The following HIVEP2 variants were observed in gnomAD, a reference collection of about 807,000 sequenced individuals.
HIVEP2 encodes transcription factor HIVEP2.
HIVEP2 carries 14 observed loss-of-function variants against 180.7 expected under a neutral mutation model. The observed-to-expected ratio is 0.08, with a 90% confidence interval of 0.05 to 0.12. The LOEUF (loss-of-function observed/expected upper bound fraction) is 0.12. Ranked by LOEUF, HIVEP2 falls within the 10% of genes least tolerant of loss-of-function variation. The pLI is 1.00. For missense variants in HIVEP2, 2,579 were observed against 3,008.5 expected, an observed-to-expected ratio of 0.86 and a Z score of 3.34; for synonymous variants, 1,184 against 1,136.4, an observed-to-expected ratio of 1.04 and a Z score of -0.84.
At chr6:142,905,871 C>A (rs529176378) in intron 1 of HIVEP2, among the ~76,000 whole-genome samples, 1 of 152,220 alleles carries the variant, frequency 6.6e-6, no homozygotes, top group Non-Finnish European at 1.5e-5. Flanking sequence ...GTGGCTCACG[C>A]CTATAATCCT....
rs1182285318 is a variant in HIVEP2, at chr6:142,774,350, A to G, written c.389T>C (p.Leu130Ser). ...EGPPWLFPGP[L>S]PSVASEDLFP... Reference sequence around the variant, plus strand: ...TAAGTCCTCAGAGGCAACGGATGGCAAAGGGCCAGGGAAAAGCCACGGAGG... The same window carrying G: ...TAAGTCCTCAGAGGCAACGGATGGCGAAGGGCCAGGGAAAAGCCACGGAGG... The change falls in exon 5 of 10, where the codon TTG becomes TCG. Residue 130 changes from leucine (L) to serine (S), a missense_variant. Coordinates refer to ENST00000367603, the MANE Select transcript of HIVEP2 (RefSeq NM_006734.4). This position sits in a 1 kb window ranked among gnomAD's most constrained non-coding sequence, Gnocchi z 5.1. 1.2e-6 allele frequency: 2 copies of G among 1,614,244 alleles called. No homozygotes were observed. Among genetic ancestry groups the G allele is most frequent in the Non-Finnish European group, 1.7e-6 (2 of 1,180,050 alleles).
chr6:142,823,446 G>A (rs1777096196), intron 2 of HIVEP2, among the ~76,000 whole-genome samples: 1 of 152,206 alleles, frequency 6.6e-6, no homozygotes, highest in South Asian at 2.1e-4. Flanking sequence ...TTCGTGGATT[G>A]TGACATTGCA....
chr6:142,845,693 G>C (rs1169444518), intron 1 of HIVEP2, among the ~76,000 whole-genome samples: 2 of 152,198 alleles, frequency 1.3e-5, no homozygotes, highest in Non-Finnish European at 2.9e-5. Flanking sequence ...CAGGCTGCCA[G>C]GCTTAAATCA....
At chr6:142,901,404 C>A (rs1400904692) in intron 1 of HIVEP2, among the ~76,000 whole-genome samples, 2 of 152,182 alleles carry the variant, frequency 1.3e-5, no homozygotes, top group East Asian at 3.8e-4. Flanking sequence ...GAATCAAAAT[C>A]ATATCTAGAA....
intron 1 of HIVEP2, among the ~76,000 whole-genome samples, chr6:142,877,335 C>T (rs1776469029): frequency 6.6e-6 from 1 of 151,974 alleles, no homozygotes; most frequent in Admixed American, 6.6e-5. Flanking sequence ...GTAACTAAGG[C>T]CAAGTGAAGA....
intron 2 of HIVEP2, among the ~76,000 whole-genome samples, chr6:142,801,616 C>T (rs1194876426): frequency 1.3e-5 from 2 of 151,968 alleles, no homozygotes; most frequent in Admixed American, 1.3e-4. Context: ...ATTATGTACC[C>T]TTGTATAAGT....
At chr6:142,782,683 T>G (rs1157178799) in intron 3 of HIVEP2, among the ~76,000 whole-genome samples, 1 of 152,192 alleles carries the variant, frequency 6.6e-6, no homozygotes, top group Non-Finnish European at 1.5e-5. Flanking sequence ...GTAAAAATAC[T>G]GTGATGATCA....
chr6:142,797,227 A>G (rs1473701953), intron 2 of HIVEP2, among the ~76,000 whole-genome samples: 1 of 152,120 alleles, frequency 6.6e-6, no homozygotes, highest in Non-Finnish European at 1.5e-5. Context: ...CATCAACACA[A>G]TGCTTACAAG....
chr6:142,799,774 C>A (rs1776362375), intron 2 of HIVEP2, among the ~76,000 whole-genome samples: 1 of 152,128 alleles, frequency 6.6e-6, no homozygotes, highest in African/African-American at 2.4e-5. Context: ...AGCAGGGGAG[C>A]CTCTGGGCTA....
intron 1 of HIVEP2, among the ~76,000 whole-genome samples, chr6:142,857,930 C>T (rs1208104207): frequency 1.3e-5 from 2 of 152,094 alleles, no homozygotes; most frequent in African/African-American, 2.4e-5. Flanking sequence ...TATCTATGGC[C>T]CAGTGTTGCC....
At chr6:142,867,696 A>G (rs1776175424) in intron 1 of HIVEP2, among the ~76,000 whole-genome samples, 1 of 152,204 alleles carries the variant, frequency 6.6e-6, no homozygotes, top group African/African-American at 2.4e-5. Flanking sequence ...AAAAAACAGG[A>G]TATGTGCTAA....
intron 2 of HIVEP2, among the ~76,000 whole-genome samples, chr6:142,820,228 T>G (rs1776991125): frequency 6.6e-6 from 1 of 152,116 alleles, no homozygotes; most frequent in Admixed American, 6.5e-5. Flanking sequence ...TGCAGAAATG[T>G]CAGGAAGCAG....
chr6:142,754,904 G>A (rs1775025623), intron 9 of HIVEP2, among the ~76,000 whole-genome samples: 1 of 152,060 alleles, frequency 6.6e-6, no homozygotes, highest in Non-Finnish European at 1.5e-5. Flanking sequence ...CAGATTATCA[G>A]GTTTTAATAT....
Position 142,765,026 on chromosome 6 carries a change from A to G in HIVEP2, c.5343-52T>C, listed in dbSNP as rs375701227. On this transcript the variant is annotated intron_variant, in intron 6 of 9. Transcript: ENST00000367603. ...TGTTTTCAAATATTCTTAGCATGCT[A>G]TATATTAAAGCAAAAGCTAATTATT... 1.5e-5 allele frequency: 22 copies of G among 1,510,332 alleles called. No individual in the cohort carries two copies. In the African/African-American group the frequency reaches 2.8e-4, roughly 19 times the overall value. The allele number at this position is 1,510,332 out of a possible 1,614,324, so 93.6% of individuals were successfully genotyped here.
intron 1 of HIVEP2, among the ~76,000 whole-genome samples, chr6:142,895,185 T>G (rs1475055788): frequency 6.6e-6 from 1 of 152,188 alleles, no homozygotes; most frequent in East Asian, 1.9e-4. Context: ...TCTTGATATG[T>G]TTTCTGTGCA....
intron 2 of HIVEP2, among the ~76,000 whole-genome samples, chr6:142,808,984 TC>T (rs1776623546): frequency 6.6e-6 from 1 of 152,108 alleles, no homozygotes; most frequent in Admixed American, 6.6e-5. Flanking sequence ...AATGAAAGGC[TC>T]CTGAAGGCTG....
chr6:142,918,691 C>G (rs1200644656), intron 1 of HIVEP2, among the ~76,000 whole-genome samples: 4 of 152,190 alleles, frequency 2.6e-5, no homozygotes, highest in Non-Finnish European at 1.5e-5. Flanking sequence ...AATGTTCTTT[C>G]ACTTTTAGGG....
chr6:142,857,263 T>TA (rs890899174), intron 1 of HIVEP2, among the ~76,000 whole-genome samples: 42 of 151,482 alleles, frequency 2.8e-4, no homozygotes, highest in Admixed American at 2.3e-3. Flanking sequence ...TCTGTCAACT[T>TA]AAAAAAAAAT....
In HIVEP2 at chr6:142,770,580, T is replaced by C; in HGVS notation, c.4159A>G (p.Ile1387Val). 6.2e-7 allele frequency: 1 copy of C among 1,614,216 alleles called. No individual in the cohort carries two copies. The highest frequency in any genetic ancestry group is 8.5e-7 in the Non-Finnish European group (1 of 1,180,042). ...TLVTNAAMQG[I>V]GFNIAQVLGQ... ...AGCACCTGGGCAATGTTGAATCCTA[T>C]CCCTTGCATGGCTGCGTTGGTGACC... The change falls in exon 5 of 10, where the codon ATA (isoleucine) becomes GTA (valine). Residue 1387 changes from isoleucine to valine, a missense_variant. Ile to Val is a conservative substitution (Grantham distance 29). Around this residue, in one of 11 missense-constraint regions of HIVEP2, gnomAD observed 523 missense variants for 577.0 expected, o/e 0.91. Transcript: ENST00000367603. The surrounding 1 kb of genome is among the most constrained non-coding windows in gnomAD (Gnocchi z 4.7).
Sources: gnomAD v4.1 joint callset for allele counts (sites outside exome capture counted in the v4.1 genomes callset) on GRCh38, gnomAD v4.1.1 for gene constraint, gnomAD v4.1.1 regional missense constraint, Gnocchi (gnomAD v3.1) non-coding constraint, MANE v1.5 for transcripts, NCBI Gene and HGNC (gene_info 2026-07-23, HGNC 2026-07-21) for gene names.